KCNMA1: variants seen among roughly 807,000 people sequenced by gnomAD.
The protein encoded by KCNMA1 is Calcium-activated potassium channel subunit alpha-1.
KCNMA1 carries 29 observed loss-of-function variants against 140.0 expected under a neutral mutation model. The observed-to-expected ratio is 0.21, with a 90% CI of 0.15 to 0.28. KCNMA1 has a LOEUF of 0.28. Ranked by LOEUF, KCNMA1 falls within the 10% of genes least tolerant of loss-of-function variation. KCNMA1 has a pLI of 1.00. For missense variants in KCNMA1, 880 were observed against 1,602.2 expected, an observed-to-expected ratio of 0.55 and a Z score of 7.70; for synonymous variants, 612 against 611.9, an observed-to-expected ratio of 1.00 and a Z score of 0.00.
intron 2 of KCNMA1, among the ~76,000 whole-genome samples, chr10:77,287,916 T>C (rs776303405): frequency 1.3e-5 from 2 of 152,208 alleles, no homozygotes; most frequent in Non-Finnish European, 2.9e-5. Flanking sequence ...TGTTAGTCTC[T>C]GGAACAATTT....
intron 1 of KCNMA1, among the ~76,000 whole-genome samples, chr10:77,537,250 T>G (rs2059114685): frequency 6.6e-6 from 1 of 152,138 alleles, no homozygotes; most frequent in Non-Finnish European, 1.5e-5. Context: ...CCCTGCTCCT[T>G]TAATTTCAGT....
intron 19 of KCNMA1, among the ~76,000 whole-genome samples, chr10:76,992,879 C>T (rs1008822342): frequency 6.6e-6 from 1 of 152,128 alleles, no homozygotes; most frequent in African/African-American, 2.4e-5. Context: ...TATTTCCACT[C>T]GAGAAGGTTA....
intron 3 of KCNMA1, among the ~76,000 whole-genome samples, chr10:77,229,270 A>C (rs2052651255): frequency 6.6e-6 from 1 of 151,762 alleles, no homozygotes; most frequent in Non-Finnish European, 1.5e-5. Flanking sequence ...AACTGGGCTA[A>C]AGAATAAACA....
chr10:77,118,216 CGCTATGAAA>C (rs2097525627), intron 6 of KCNMA1, among the ~76,000 whole-genome samples: 1 of 152,160 alleles, frequency 6.6e-6, no homozygotes, highest in South Asian at 2.1e-4. Context: ...CTGGAAGGAC[CGCTATGAAA>C]GCAGCAGAGT....
chr10:77,600,475 A>G (rs1426523699), intron 1 of KCNMA1, among the ~76,000 whole-genome samples: 1 of 152,184 alleles, frequency 6.6e-6, no homozygotes, highest in African/African-American at 2.4e-5. Context: ...GAGGCCGGGC[A>G]CAGTGGCTTA....
chr10:77,368,794 A>T (rs546175534), intron 2 of KCNMA1, among the ~76,000 whole-genome samples: 2 of 152,048 alleles, frequency 1.3e-5, no homozygotes, highest in Admixed American at 1.3e-4. Flanking sequence ...TGTAGAAAAG[A>T]CTCCTTCTCC....
chr10:77,006,175 G>A (rs2088519742), intron 18 of KCNMA1, among the ~76,000 whole-genome samples: 1 of 152,184 alleles, frequency 6.6e-6, no homozygotes, highest in African/African-American at 2.4e-5. Context: ...AGGGTGGATT[G>A]GAAGAGGCAG....
chr10:76,938,071 C>T (rs993320843), intron 23 of KCNMA1, among the ~76,000 whole-genome samples: 2 of 151,574 alleles, frequency 1.3e-5, no homozygotes, highest in African/African-American at 4.9e-5. Flanking sequence ...CCGGCTTCTA[C>T]CAAAGTTTTC....
intron 1 of KCNMA1, among the ~76,000 whole-genome samples, chr10:77,521,384 T>C (rs1297581508): frequency 3.3e-5 from 5 of 152,306 alleles, no homozygotes; most frequent in South Asian, 2.1e-4. Context: ...TCAGTTACCA[T>C]CCTGGTGCCT....
At chr10:77,558,495 C>T (rs1420071883) in intron 1 of KCNMA1, among the ~76,000 whole-genome samples, 5 of 152,102 alleles carry the variant, frequency 3.3e-5, no homozygotes, top group African/African-American at 7.2e-5. Context: ...ACTGGGATGT[C>T]GGGGGTGGGG....
At chr10:76,888,447 C>T (rs959293596) in intron 27 of KCNMA1, among the ~76,000 whole-genome samples, 12 of 151,970 alleles carry the variant, frequency 7.9e-5, no homozygotes, top group Non-Finnish European at 1.8e-4. Flanking sequence ...TTAGAGTAAT[C>T]AGAATATTTT....
intron 1 of KCNMA1, among the ~76,000 whole-genome samples, chr10:77,580,238 G>A (rs1008850156): frequency 5.3e-5 from 8 of 151,878 alleles, no homozygotes; most frequent in East Asian, 3.9e-4. Context: ...AAAATTAGCC[G>A]GGCGTGGTGG....
At chr10:77,077,991 G>A (rs552617424) in intron 13 of KCNMA1, 5 of 152,344 alleles carry the variant, frequency 3.3e-5, no homozygotes, top group East Asian at 3.9e-4. Context: ...GCAGTCAGCC[G>A]TTCTGGATGG....
intron 20 of KCNMA1, among the ~76,000 whole-genome samples, chr10:76,958,655 A>T (rs1185436648): frequency 2.0e-5 from 3 of 152,186 alleles, no homozygotes; most frequent in African/African-American, 7.2e-5. Flanking sequence ...ATTTGGGCCA[A>T]CTTTTCCACA....
At chr10:77,310,195 T>A (rs16934560) in intron 2 of KCNMA1, among the ~76,000 whole-genome samples, 22,803 of 152,152 alleles carry the variant, frequency 0.15, 2,407 homozygotes, top group African/African-American at 0.3. Flanking sequence ...CTAGTACAAC[T>A]AAACCAGTCT....
chr10:77,042,853 AT>A (rs1455906934), intron 14 of KCNMA1, among the ~76,000 whole-genome samples: 1 of 152,218 alleles, frequency 6.6e-6, no homozygotes, highest in Non-Finnish European at 1.5e-5. Flanking sequence ...TTATTGAGTC[AT>A]TCATTCAGCA....
chr10:76,914,057 C>A lies in KCNMA1; in HGVS notation c.3016+879G>T. The stretch of plus-strand genomic sequence containing the variant: ...TGTGAAGGAAAACAGTGCTTCTTAC[C>A]CAGTTCAGTTATCATTAGAATGTGC... On this transcript the variant is annotated intron_variant, in intron 24 of 27. Transcript: ENST00000286628. The A allele has an allele frequency of 1.3e-6, 2 of 1,547,956 alleles. No individual in the cohort carries two copies. The highest frequency in any genetic ancestry group is 1.7e-6 in the Non-Finnish European group (2 of 1,144,684).
intron 25 of KCNMA1, among the ~76,000 whole-genome samples, chr10:76,907,471 G>T (rs974436204): frequency 6.6e-6 from 1 of 152,162 alleles, no homozygotes; most frequent in East Asian, 1.9e-4. Context: ...ACCAGGGCTG[G>T]TTTCATGGGT....
At chr10:77,188,856 C>A (rs1850286) in intron 3 of KCNMA1, among the ~76,000 whole-genome samples, 1,988 of 152,174 alleles carry the variant, frequency 0.013, 39 homozygotes, top group African/African-American at 0.039. Context: ...CAGGAGCTCT[C>A]AGCACAAAAT....
Sources: allele counts gnomAD v4.1 joint callset (sites outside exome capture counted in the v4.1 genomes callset), GRCh38; gene constraint gnomAD v4.1.1; transcripts MANE v1.5; gene names NCBI Gene and HGNC (gene_info 2026-07-23, HGNC 2026-07-21).